Variants in GNAI2 observed in about 807,000 individuals in gnomAD.
GNAI2 encodes G protein subunit alpha i2, also known as guanine nucleotide-binding protein G(i) subunit alpha-2.
GNAI2 carries 4 observed loss-of-function variants against 36.8 expected under a neutral mutation model. The ratio of observed to expected loss-of-function variants is 0.11; its 90% confidence interval spans 0.05 to 0.25. GNAI2 has a LOEUF of 0.25. Ranked by LOEUF, GNAI2 falls within the 10% of genes least tolerant of loss-of-function variation. GNAI2 has a pLI of 1.00. For synonymous variants in GNAI2, 194 were observed against 194.1 expected (o/e 1.00, Z 0.01); for missense variants, 230 against 481.3 (o/e 0.48, Z 4.89).
rs944670248 is a variant in GNAI2, at chr3:50,255,493, C to T, written c.465-699C>T. On this transcript the variant is annotated intron_variant, in intron 4 of 8. Coordinates refer to ENST00000313601, the MANE Select transcript of GNAI2 (RefSeq NM_002070.4). The surrounding 1 kb of genome is among the most constrained non-coding windows in gnomAD (Gnocchi z 4.0). The stretch of plus-strand genomic sequence containing the variant: ...CACCCGGCTGCTCTGCGGCTAATGC[C>T]GTAATTGCGCCCATTAGCATCCTGA... Among the ~76,000 whole-genome samples, 7 of 152,300 alleles carry T rather than the reference C, an allele frequency of 4.6e-5. No individual in the cohort carries two copies. Among genetic ancestry groups the T allele is most frequent in the Admixed American group, 3.9e-4 (6 of 15,308 alleles).
chr3:50,236,079 G>T, upstream of GNAI2: 1 of 625,998 alleles, frequency 1.6e-6, no homozygotes, highest in Non-Finnish European at 2.1e-6. The surrounding 1 kb of genome is among the most constrained non-coding windows in gnomAD (Gnocchi z 4.0). Flanking sequence ...CCAATCAACA[G>T]CCTCTAATCT....
chr3:50,243,681 T>C (rs781864415), intron 1 of GNAI2, among the ~76,000 whole-genome samples: 39 of 152,240 alleles, frequency 2.6e-4, no homozygotes, highest in Non-Finnish European at 4.4e-4. Flanking sequence ...GGGACTGATA[T>C]TACACCCATT....
chr3:50,258,896 AG>A lies in GNAI2; in HGVS notation c.*555del, dbSNP rs146158517. ...TAGCTTTTTAAAAAAATGAAAGTAA[AG>A]GAAAAAAAAAAAACTGCAAATCTAG... On this transcript the variant is annotated 3_prime_UTR_variant, in exon 9 of 9. Coordinates refer to ENST00000313601, the MANE Select transcript of GNAI2 (RefSeq NM_002070.4). 0.045 allele frequency: 19,914 copies of A among 441,654 alleles called. 1,874 individuals carry two copies. In the East Asian group the frequency reaches 0.48, roughly 11 times the overall value. 27.4% of individuals were successfully genotyped at this position (441,654 alleles called of 1,614,324 possible).
rs956133556 is a variant in GNAI2 at position 50,255,444 on chromosome 3, G to A, written c.465-748G>A. Among the ~76,000 whole-genome samples, 1 of 152,204 alleles carries A rather than the reference G, an allele frequency of 6.6e-6. No individual in the cohort carries two copies. Among genetic ancestry groups the A allele is most frequent in the African/African-American group, 2.4e-5 (1 of 41,474 alleles). On this transcript the variant is annotated intron_variant, in intron 4 of 8. Coordinates refer to ENST00000313601, the MANE Select transcript of GNAI2 (RefSeq NM_002070.4). The surrounding 1 kb of genome is among the most constrained non-coding windows in gnomAD (Gnocchi z 4.0). ...CACTGGACCTGGCAGGCCCCAACCT[G>A]TCCAGCACCACATCGAGGGACCGCA...
intron 1 of GNAI2, among the ~76,000 whole-genome samples, chr3:50,250,119 C>T (rs2298954): frequency 0.21 from 31,396 of 152,130 alleles, 6,553 homozygotes; most frequent in East Asian, 0.6. Flanking sequence ...AGTTCCTTCA[C>T]TGGTTAGATT....
At chr3:50,244,997 A>G (rs1221474210) in intron 1 of GNAI2, among the ~76,000 whole-genome samples, 5 of 139,874 alleles carry the variant, frequency 3.6e-5, no homozygotes, top group African/African-American at 1.1e-4. Context: ...TGATGCTGTG[A>G]TTTTTTTTTT....
chr3:50,253,261 AC>A lies in GNAI2; in HGVS notation c.464+82del. The A allele has an allele frequency of 3.5e-6, 4 of 1,143,916 alleles. No homozygotes were observed. Among genetic ancestry groups the A allele is most frequent in the Non-Finnish European group, 3.7e-6 (3 of 812,648 alleles). 70.9% of individuals were successfully genotyped at this position (1,143,916 alleles called of 1,614,324 possible). ...AAAGGCTGGACCGGAGGGCCTGAGAACCCCCAGAAGGACACTGCTGGTCTTT... is the reference window on the plus strand; with the variant it reads ...AAAGGCTGGACCGGAGGGCCTGAGAACCCCAGAAGGACACTGCTGGTCTTT... On this transcript the variant is annotated intron_variant, in intron 4 of 8. Transcript: ENST00000313601. The surrounding 1 kb of genome is among the most constrained non-coding windows in gnomAD (Gnocchi z 4.2).
At position 50,256,844 on chromosome 3, in the gene GNAI2, G is replaced by A. The variant is rs760792214; in HGVS notation, c.715G>A (p.Glu239Lys). The change falls in exon 6 of 9, where the codon GAG becomes AAG. Residue 239 changes from glutamate (E) to lysine (K), a missense_variant. Coordinates refer to ENST00000313601, the MANE Select transcript of GNAI2 (RefSeq NM_002070.4). ...CTATGACTTGGTGCTAGCTGAGGAC[G>A]AGGAGATGGTGAGAGGATGAGAGAA... The part of the protein sequence containing the change: ...SAYDLVLAED[E>K]EMNRMHESMK... 6 of 1,614,090 alleles carry A rather than the reference G, an allele frequency of 3.7e-6. No individual in the cohort carries two copies. Among genetic ancestry groups the A allele is most frequent in the East Asian group, 2.2e-5 (1 of 44,896 alleles).
At chr3:50,257,785 T>TGG in intron 8 of GNAI2, 71 bp downstream of exon 8, 3 of 92,806 alleles carry the variant, frequency 3.2e-5, no homozygotes, top group Non-Finnish European at 5.5e-5. Flanking sequence ...CAGGGGGTTC[T>TGG]GGGGGTGGGT....
chr3:50,233,885 C>G (rs1360577241), upstream of GNAI2, among the ~76,000 whole-genome samples: 4 of 144,304 alleles, frequency 2.8e-5, no homozygotes, highest in African/African-American at 1.0e-4. Flanking sequence ...AAATGTGTAA[C>G]AAGGTTCTTT....
chr3:50,227,471 C>T (rs1175070795), upstream of GNAI2: 1 of 281,672 alleles, frequency 3.6e-6, no homozygotes, highest in Non-Finnish European at 6.6e-6. This position sits in a 1 kb window ranked among gnomAD's most constrained non-coding sequence, Gnocchi z 5.9. Context: ...AGGTCGGCCT[C>T]GGCTCCCGCG....
At chr3:50,227,183 A>T (rs1699989875), upstream of GNAI2, 2 of 1,448,302 alleles carry the variant, frequency 1.4e-6, no homozygotes, top group Non-Finnish European at 1.8e-6. This position sits in a 1 kb window ranked among gnomAD's most constrained non-coding sequence, Gnocchi z 5.9. Flanking sequence ...GTCACTGGGG[A>T]CGTTCTGAGG....
intron 1 of GNAI2, among the ~76,000 whole-genome samples, chr3:50,240,918 CAAAAAAAAAAAA>C (rs11302773): frequency 1.2e-5 from 1 of 86,744 alleles, no homozygotes; most frequent in Non-Finnish European, 2.4e-5. Flanking sequence ...GACTCTGTCT[CAAAAAAAAAAAA>C]AAAAAAGAAA....
intron 1 of GNAI2, among the ~76,000 whole-genome samples, chr3:50,249,241 G>C (rs1054172376): frequency 5.9e-5 from 9 of 152,198 alleles, no homozygotes; most frequent in Non-Finnish European, 1.2e-4. Flanking sequence ...CCCCCATCCT[G>C]GCTGTGACTG....
At position 50,252,160 on chromosome 3, in the gene GNAI2, G is replaced by A. The variant is rs1700573701; in HGVS notation, c.161+18G>A. 1 of 1,611,810 alleles carries A rather than the reference G, an allele frequency of 6.2e-7. No homozygotes were observed. The highest frequency in any genetic ancestry group is 8.5e-7 in the Non-Finnish European group (1 of 1,178,156). On this transcript the variant is annotated intron_variant, in intron 2 of 8. Coordinates refer to ENST00000313601, the MANE Select transcript of GNAI2 (RefSeq NM_002070.4). The surrounding 1 kb of genome is among the most constrained non-coding windows in gnomAD (Gnocchi z 4.1). Reference sequence around the variant, plus strand: ...CAGATGAAGTAAGTGCTGTATTCCAGAGGCAGTGCTCAAACTCCAGCTTCC... The same window carrying A: ...CAGATGAAGTAAGTGCTGTATTCCAAAGGCAGTGCTCAAACTCCAGCTTCC...
chr3:50,247,044 C>T, intron 1 of GNAI2: 2 of 940,038 alleles, frequency 2.1e-6, no homozygotes, highest in Non-Finnish European at 3.3e-6. Context: ...ATGACCACAG[C>T]AGTCTTCTCT....
At chr3:50,247,044 C>A in intron 1 of GNAI2, 1 of 940,048 alleles carries the variant, frequency 1.1e-6, no homozygotes, top group Non-Finnish European at 1.7e-6. Flanking sequence ...ATGACCACAG[C>A]AGTCTTCTCT....
intron 1 of GNAI2, chr3:50,251,666 C>A (rs1553702476): frequency 7.5e-7 from 1 of 1,341,736 alleles, no homozygotes; most frequent in African/African-American, 1.5e-5. Context: ...GGGCTGCTAC[C>A]CTGTTGGATG....
upstream of GNAI2, among the ~76,000 whole-genome samples, chr3:50,232,461 C>G (rs587695844): frequency 1.3e-5 from 2 of 152,296 alleles, no homozygotes; most frequent in East Asian, 3.9e-4. Context: ...TATGTATAAC[C>G]GTTAGGCCCA....
Sources: gnomAD v4.1 joint callset for allele counts (sites outside exome capture counted in the v4.1 genomes callset) on GRCh38, gnomAD v4.1.1 for gene constraint, Gnocchi (gnomAD v3.1) non-coding constraint, MANE v1.5 for transcripts, NCBI Gene and HGNC (gene_info 2026-07-23, HGNC 2026-07-21) for gene names.